Variants in VWA3B observed in about 807,000 individuals in gnomAD.
VWA3B encodes von Willebrand factor A domain containing 3B.
A neutral mutation model predicts 158.3 loss-of-function variants in VWA3B; 138 were observed. That is an observed-to-expected ratio of 0.87 (90% CI 0.76 to 1.00). The LOEUF is 1.00. Ranked by LOEUF, VWA3B falls within the 50% of genes least tolerant of loss-of-function variation. The probability of loss-of-function intolerance (pLI) is 0.00; values close to 1 mark genes in which losing one functional copy is unlikely to be tolerated. For missense variants in VWA3B, 1,555 were observed against 1,565.1 expected (o/e 0.99, Z 0.11); for synonymous variants, 596 against 587.3 (o/e 1.01, Z -0.21).
At chr2:98,146,920 C>T (rs1677214930) in intron 7 of VWA3B, among the ~76,000 whole-genome samples, 1 of 152,142 alleles carries the variant, frequency 6.6e-6, no homozygotes, top group Non-Finnish European at 1.5e-5. Flanking sequence ...ATGTCTTCAT[C>T]AACTGTGTGG....
chr2:98,231,344 G>C (rs1406680477), intron 16 of VWA3B, among the ~76,000 whole-genome samples: 2 of 152,188 alleles, frequency 1.3e-5, no homozygotes, highest in African/African-American at 2.4e-5. Context: ...AGAGACTAAA[G>C]TTGGAGAAAT....
chr2:98,277,726 C>T (rs911772977), intron 22 of VWA3B, among the ~76,000 whole-genome samples: 1 of 152,198 alleles, frequency 6.6e-6, no homozygotes, highest in African/African-American at 2.4e-5. Context: ...GGGAGGCAGG[C>T]ATGGGCGAGG....
At chr2:98,255,679 T>C (rs1013312937) in intron 20 of VWA3B, among the ~76,000 whole-genome samples, 1 of 152,128 alleles carries the variant, frequency 6.6e-6, no homozygotes, top group African/African-American at 2.4e-5. Context: ...CCAGCCTGCT[T>C]GATCTCTAAA....
chr2:98,152,432 A>T (rs770025477), intron 7 of VWA3B, among the ~76,000 whole-genome samples: 10 of 152,160 alleles, frequency 6.6e-5, no homozygotes, highest in Non-Finnish European at 1.3e-4. Context: ...TTTAAGGCAG[A>T]CAGTCCCAAT....
chr2:98,283,637 G>A (rs1040658278), intron 22 of VWA3B, among the ~76,000 whole-genome samples: 3 of 152,226 alleles, frequency 2.0e-5, no homozygotes, highest in Non-Finnish European at 4.4e-5. Flanking sequence ...GTTGTGGCTG[G>A]TGCATTTCTC....
At chr2:98,218,998 A>C (rs912126860) in intron 14 of VWA3B, among the ~76,000 whole-genome samples, 8 of 152,218 alleles carry the variant, frequency 5.3e-5, no homozygotes, top group Non-Finnish European at 1.0e-4. Context: ...TCTTAAATGC[A>C]AGGCCTGAAA....
At chr2:98,185,938 A>G (rs191178141) in intron 9 of VWA3B, among the ~76,000 whole-genome samples, 296 of 152,112 alleles carry the variant, frequency 1.9e-3, no homozygotes, top group Non-Finnish European at 3.6e-3. Context: ...TTAGAATTCA[A>G]TTCCTCAGTC....
intron 22 of VWA3B, among the ~76,000 whole-genome samples, chr2:98,285,201 G>A (rs1351522279): frequency 1.3e-5 from 2 of 152,038 alleles, no homozygotes; most frequent in Non-Finnish European, 2.9e-5. Context: ...GTCACTCTCT[G>A]TTCACACTCT....
chr2:98,130,838 T>C (rs1046943312), intron 6 of VWA3B, among the ~76,000 whole-genome samples: 3 of 152,266 alleles, frequency 2.0e-5, no homozygotes, highest in African/African-American at 7.2e-5. Flanking sequence ...CACAGGCCCA[T>C]GTGATATTCT....
chr2:98,160,244 G>A (rs767541684), intron 7 of VWA3B, among the ~76,000 whole-genome samples: 2 of 152,164 alleles, frequency 1.3e-5, no homozygotes, highest in Non-Finnish European at 2.9e-5. Context: ...ACTGTGTGAG[G>A]AATAACTTGA....
intron 23 of VWA3B, among the ~76,000 whole-genome samples, chr2:98,295,418 A>G (rs1025958942): frequency 6.6e-6 from 1 of 152,156 alleles, no homozygotes; most frequent in African/African-American, 2.4e-5. Flanking sequence ...TTGTGACACC[A>G]ATTCTCTGAC....
At position 98,311,868 on chromosome 2, in the gene VWA3B, G is replaced by T; in HGVS notation, c.3571G>T (p.Glu1191Ter). 1 of 1,612,512 alleles carries T rather than the reference G, an allele frequency of 6.2e-7. No individual in the cohort carries two copies. The highest frequency in any genetic ancestry group is 8.5e-7 in the Non-Finnish European group (1 of 1,179,406). ...TGCTTTCCTCTTCTGGCCACTGAAA[G>T]AAGCGGACACGCAGGATTCCAGAGA... is the stretch of plus-strand genomic sequence containing the variant. ...NSAFLFWPLK[E>*]ADTQDSREPR... Residue 1191 changes from glutamate (E) to a stop codon, truncating the protein, a stop_gained, in exon 27 of 28, where the codon GAA (glutamate) becomes TAA (stop). Transcript: ENST00000477737. LOFTEE classifies it high-confidence loss of function.
At chr2:98,231,092 C>A (rs72950912) in intron 16 of VWA3B, among the ~76,000 whole-genome samples, 5,893 of 152,270 alleles carry the variant, frequency 0.039, 135 homozygotes, top group African/African-American at 0.052. Context: ...TGTGCAGAAT[C>A]TGTTTGCTGA....
intron 19 of VWA3B, among the ~76,000 whole-genome samples, chr2:98,241,430 C>T (rs4535095): frequency 0.55 from 83,355 of 151,136 alleles, 23,427 homozygotes; most frequent in South Asian, 0.81. Flanking sequence ...GGCGGGCAGT[C>T]AGGAGGCAGT....
chr2:98,267,792 G>T (rs1480599440), intron 21 of VWA3B, among the ~76,000 whole-genome samples: 1 of 151,566 alleles, frequency 6.6e-6, no homozygotes, highest in African/African-American at 2.4e-5. Context: ...TAGACTACTA[G>T]CAAGACTAAT....
intron 16 of VWA3B, among the ~76,000 whole-genome samples, chr2:98,234,005 C>T (rs931147973): frequency 8.5e-5 from 13 of 152,214 alleles, no homozygotes; most frequent in African/African-American, 3.1e-4. Flanking sequence ...AGAAGGGACA[C>T]ATCACAGGGT....
At chr2:98,194,634 T>C (rs370085315) in intron 12 of VWA3B, 142 bp downstream of exon 12, 4 of 966,550 alleles carry the variant, frequency 4.1e-6, no homozygotes, top group East Asian at 5.1e-5. Context: ...TTGTTTTGCT[T>C]GCAGTGGTCA....
chr2:98,290,074 A>G (rs886233610), intron 22 of VWA3B, among the ~76,000 whole-genome samples: 1 of 152,232 alleles, frequency 6.6e-6, no homozygotes, highest in Non-Finnish European at 1.5e-5. Flanking sequence ...CTACATTGCT[A>G]TAAAGAACTA....
intron 7 of VWA3B, among the ~76,000 whole-genome samples, chr2:98,137,385 T>C (rs1185727631): frequency 6.6e-6 from 1 of 152,228 alleles, no homozygotes. Flanking sequence ...TGGATTTCCC[T>C]AATGATTCAT....
Sources: allele counts gnomAD v4.1 joint callset (sites outside exome capture counted in the v4.1 genomes callset), GRCh38; gene constraint gnomAD v4.1.1; transcripts MANE v1.5; gene names NCBI Gene and HGNC (gene_info 2026-07-23, HGNC 2026-07-21).